The following EXTL3 variants were observed in gnomAD, a reference collection of about 807,000 sequenced individuals.
EXTL3 encodes exostosin-like 3.
EXTL3 carries 27 observed loss-of-function variants against 69.3 expected under a neutral mutation model. That is an observed-to-expected ratio of 0.39 (90% CI 0.29 to 0.54). EXTL3 has a LOEUF of 0.54. Among genes scored for constraint, EXTL3 ranks in the 20% least tolerant of loss-of-function variants. The pLI is 0.69. For synonymous variants in EXTL3, 511 were observed against 499.4 expected (o/e 1.02, Z -0.31); for missense variants, 1,003 against 1,231.8 (o/e 0.81, Z 2.78).
chr8:28,670,691 A>G (rs240916), intron 1 of EXTL3, among the ~76,000 whole-genome samples: 15,907 of 152,244 alleles, frequency 0.1, 1,018 homozygotes, highest in Admixed American at 0.16. Context: ...TGTTCTAGTC[A>G]GGTCTTCAAC....
chr8:28,648,372 T>A (rs2130597999), intron 1 of EXTL3, among the ~76,000 whole-genome samples: 1 of 152,312 alleles, frequency 6.6e-6, no homozygotes, highest in South Asian at 2.1e-4. Flanking sequence ...TCTGCCAGTC[T>A]GCAGTTGCCC....
chr8:28,709,881 G>A (rs1800998815), intron 1 of EXTL3, among the ~76,000 whole-genome samples: 1 of 152,162 alleles, frequency 6.6e-6, no homozygotes, highest in Non-Finnish European at 1.5e-5. Flanking sequence ...CACAGTTCTG[G>A]ATTGGAACTC....
chr8:28,652,292 A>G (rs1806936168), intron 1 of EXTL3, among the ~76,000 whole-genome samples: 2 of 152,076 alleles, frequency 1.3e-5, no homozygotes, highest in Non-Finnish European at 2.9e-5. Context: ...TTGCGTCGCT[A>G]CATTCCCACC....
rs987653361 is a variant in EXTL3 at position 28,750,198 on chromosome 8, T to C, written c.2551-459T>C. Among the ~76,000 whole-genome samples, 4 of 152,214 alleles carry C rather than the reference T, an allele frequency of 2.6e-5. No homozygotes were observed. The highest frequency in any genetic ancestry group is 7.2e-5 in the African/African-American group (3 of 41,450). On this transcript the variant is annotated intron_variant, in intron 6 of 6. Coordinates refer to ENST00000220562, the MANE Select transcript of EXTL3 (RefSeq NM_001440.4). This position sits in a 1 kb window ranked among gnomAD's most constrained non-coding sequence, Gnocchi z 5.2. ...ACTTTCCCATGGCTTTAAATGTAGT[T>C]AAGCATCTTTTTTATGGACAGTATT...
rs150582489 is a variant in EXTL3 at position 28,656,467 on chromosome 8, C to T, written c.-53+33657C>T. ...CATGAGCCACTGCGCCCAACCTGTT[C>T]AACTATTTTTTTAATTTTATCCTCC... is the stretch of plus-strand genomic sequence containing the variant. On this transcript the variant is annotated intron_variant, in intron 1 of 6. Transcript: ENST00000523149. Among the ~76,000 whole-genome samples, 977 of 152,190 alleles carry T rather than the reference C, an allele frequency of 6.4e-3. 2 individuals are homozygous for T. Among genetic ancestry groups the T allele is most frequent in the Non-Finnish European group, 9.4e-3 (637 of 67,994 alleles).
In EXTL3 at chr8:28,731,210, TTCC is replaced by T. The variant is rs1448825859; in HGVS notation, c.2149-10_2149-8del. 6.2e-7 allele frequency: 1 copy of T among 1,614,196 alleles called. No individual in the cohort carries two copies. Among genetic ancestry groups the T allele is most frequent in the South Asian group, 1.1e-5 (1 of 91,088 alleles). On this transcript the variant is annotated splice_polypyrimidine_tract_variant and intron_variant, in intron 3 of 6. Transcript: ENST00000220562. ...CAGCCTTAATTTTTAATGTTTTTCC[TTCC>T]TCATCACAGGTGGTCCGTACTGAGA...
Position 28,661,891 on chromosome 8 carries a change from AAAATT to A in EXTL3, c.-53+39085_-53+39089del, listed in dbSNP as rs200781832. Reference sequence around the variant, plus strand: ...CAGAGTGAAACTCCTTCTCAAAAAAAAAATTAAAATAAAAGATAAAATATAAATGT... The same window carrying A: ...CAGAGTGAAACTCCTTCTCAAAAAAAAAAATAAAAGATAAAATATAAATGT... On this transcript the variant is annotated intron_variant, in intron 1 of 6. Coordinates refer to the EXTL3 transcript ENST00000523149. 4.9e-3 allele frequency among the ~76,000 whole-genome samples: 743 copies of A among 151,474 alleles called. 6 individuals are homozygous for A. Among genetic ancestry groups the A allele is most frequent in the African/African-American group, 0.016 (683 of 41,462 alleles).
intron 1 of EXTL3, among the ~76,000 whole-genome samples, chr8:28,702,838 T>C (rs1461912083): frequency 1.3e-5 from 2 of 152,186 alleles, no homozygotes; most frequent in African/African-American, 4.8e-5. Context: ...TTTAAAGGCT[T>C]TGTGTGTTGC....
chr8:28,635,889 C>T (rs929280869), intron 1 of EXTL3, among the ~76,000 whole-genome samples: 2 of 152,068 alleles, frequency 1.3e-5, no homozygotes, highest in East Asian at 1.9e-4. Flanking sequence ...ATAGAATTTT[C>T]TTTTCTTTTT....
chr8:28,703,033 A>G (rs367840263), intron 1 of EXTL3, among the ~76,000 whole-genome samples: 14 of 152,340 alleles, frequency 9.2e-5, no homozygotes, highest in African/African-American at 3.4e-4. Context: ...TTGTGATGAA[A>G]GAAAAACCGT....
intron 4 of EXTL3, among the ~76,000 whole-genome samples, chr8:28,733,818 C>CTT (rs768694070): frequency 1.4e-4 from 20 of 139,120 alleles, no homozygotes; most frequent in African/African-American, 2.1e-4. Context: ...GGATTGTCGT[C>CTT]TTTTTTTTTT....
At chr8:28,664,788 C>A (rs939735605) in intron 1 of EXTL3, among the ~76,000 whole-genome samples, 6 of 152,080 alleles carry the variant, frequency 3.9e-5, no homozygotes, top group Admixed American at 6.6e-5. Context: ...AATTGCCCAG[C>A]GTTCTGAAAT....
At chr8:28,718,528 G>A (rs944172018) in intron 3 of EXTL3, among the ~76,000 whole-genome samples, 1 of 152,176 alleles carries the variant, frequency 6.6e-6, no homozygotes, top group African/African-American at 2.4e-5. Flanking sequence ...ATAATGATAA[G>A]CTACCATTTA....
chr8:28,735,879 A>G (rs1161686209), intron 4 of EXTL3, among the ~76,000 whole-genome samples: 1 of 152,226 alleles, frequency 6.6e-6, no homozygotes, highest in Non-Finnish European at 1.5e-5. Flanking sequence ...GAGCAGCGTT[A>G]TTCGTAACAG....
upstream of EXTL3, chr8:28,700,489 A>G (rs1171864952): frequency 1.3e-5 from 2 of 152,070 alleles, no homozygotes; most frequent in Non-Finnish European, 2.9e-5. Flanking sequence ...AGAAAGGGCG[A>G]GTGGATAAGG....
chr8:28,710,423 A>C, intron 1 of EXTL3: 1 of 455,424 alleles, frequency 2.2e-6, no homozygotes, highest in South Asian at 1.6e-5. Context: ...ATGGGCAGGA[A>C]GTGTAAAATG....
intron 4 of EXTL3, among the ~76,000 whole-genome samples, chr8:28,732,210 T>C (rs116571673): frequency 0.017 from 2,601 of 152,236 alleles, 90 homozygotes; most frequent in African/African-American, 0.059. Context: ...ATGGAGTAGA[T>C]GAAGGCTACT....
intron 1 of EXTL3, among the ~76,000 whole-genome samples, chr8:28,670,713 G>A (rs747861972): frequency 6.6e-6 from 1 of 152,170 alleles, no homozygotes; most frequent in Non-Finnish European, 1.5e-5. Context: ...GTTTGGATGA[G>A]GCCCAAGCAC....
chr8:28,679,445 A>G (rs1434484551), intron 1 of EXTL3, among the ~76,000 whole-genome samples: 2 of 151,844 alleles, frequency 1.3e-5, no homozygotes, highest in African/African-American at 4.8e-5. Flanking sequence ...ATGCTGTCTC[A>G]AAAAAAAGAA....
Sources: allele counts gnomAD v4.1 joint callset (sites outside exome capture counted in the v4.1 genomes callset), GRCh38; gene constraint gnomAD v4.1.1; non-coding constraint Gnocchi (gnomAD v3.1); transcripts MANE v1.5; gene names NCBI Gene and HGNC (gene_info 2026-07-23, HGNC 2026-07-21).